LURAP1L: variants seen among roughly 807,000 people sequenced by gnomAD.
The protein encoded by LURAP1L is leucine rich adaptor protein 1-like.
In LURAP1L, 12 loss-of-function variants were observed where a neutral mutation model predicts 13.8. The observed-to-expected ratio is 0.87, with a 90% confidence interval of 0.56 to 1.41. The LOEUF is 1.41. LURAP1L is among the 40% of genes most tolerant of loss of function. The pLI is 0.00. For synonymous variants in LURAP1L, 139 were observed against 119.2 expected (o/e 1.17, Z -1.08); for missense variants, 375 against 292.9 (o/e 1.28, Z -2.04).
chr9:12,779,981 C>T (rs895085738), intron 1 of LURAP1L, among the ~76,000 whole-genome samples: 1 of 152,164 alleles, frequency 6.6e-6, no homozygotes, highest in Non-Finnish European at 1.5e-5. Context: ...AGTAGTACTT[C>T]CTCTCAGTCC....
chr9:12,781,873 C>G (rs1208751872), intron 1 of LURAP1L, among the ~76,000 whole-genome samples: 3 of 152,192 alleles, frequency 2.0e-5, no homozygotes, highest in Non-Finnish European at 4.4e-5. Flanking sequence ...ACATTCCCAC[C>G]AACAGTGTAC....
intron 1 of LURAP1L, among the ~76,000 whole-genome samples, chr9:12,803,433 C>T (rs1018571205): frequency 6.6e-6 from 1 of 152,186 alleles, no homozygotes; most frequent in Admixed American, 6.5e-5. Flanking sequence ...TAGCTTTCTT[C>T]GCTATTCCCA....
chr9:12,807,025 A>G (rs1819667630), intron 1 of LURAP1L, among the ~76,000 whole-genome samples: 1 of 140,186 alleles, frequency 7.1e-6, no homozygotes, highest in South Asian at 2.2e-4. Flanking sequence ...CGTCTCAAAA[A>G]AAAAAAAAAA....
intron 1 of LURAP1L, among the ~76,000 whole-genome samples, chr9:12,785,055 A>G (rs1468270227): frequency 2.0e-5 from 3 of 151,030 alleles, no homozygotes; most frequent in Non-Finnish European, 2.9e-5. Context: ...TCAAGGCCCA[A>G]GGGCTCTTTT....
At position 12,790,927 on chromosome 9, in the gene LURAP1L, T is replaced by A. The variant is rs184841047; in HGVS notation, c.312+14900T>A. 1.2e-3 allele frequency among the ~76,000 whole-genome samples: 190 copies of A among 152,254 alleles called. 2 individuals carry two copies. Among genetic ancestry groups the A allele is most frequent in the African/African-American group, 4.0e-3 (167 of 41,558 alleles). On this transcript the variant is annotated intron_variant, in intron 1 of 1. Transcript: ENST00000319264. ...ATATTGACAAATGGTAAAGTCTGTG[T>A]GGTTTTAACTGAAAATAAATAGACA...
At chr9:12,810,810 C>A (rs1819726144) in intron 1 of LURAP1L, among the ~76,000 whole-genome samples, 1 of 152,160 alleles carries the variant, frequency 6.6e-6, no homozygotes, top group Non-Finnish European at 1.5e-5. Context: ...GCTAGTGAAA[C>A]TCTCCCATCT....
chr9:12,795,166 T>C (rs2118499409), intron 1 of LURAP1L, among the ~76,000 whole-genome samples: 1 of 152,096 alleles, frequency 6.6e-6, no homozygotes, highest in South Asian at 2.1e-4. Context: ...CCCCTTAACA[T>C]TTGTAGATGA....
intron 1 of LURAP1L, among the ~76,000 whole-genome samples, chr9:12,796,146 AT>A (rs957915849): frequency 1.3e-5 from 2 of 151,916 alleles, no homozygotes; most frequent in African/African-American, 4.8e-5. Flanking sequence ...TCCAAATAAC[AT>A]TTATCTATGA....
intron 1 of LURAP1L, among the ~76,000 whole-genome samples, chr9:12,802,617 C>A (rs1174676831): frequency 1.3e-5 from 2 of 152,280 alleles, no homozygotes; most frequent in African/African-American, 4.8e-5. Context: ...ATTACCCAGT[C>A]CCTGGAATTT....
At chr9:12,779,919 C>T (rs558100259) in intron 1 of LURAP1L, among the ~76,000 whole-genome samples, 53 of 152,178 alleles carry the variant, frequency 3.5e-4, no homozygotes, top group Non-Finnish European at 5.4e-4. Context: ...CATCTGCTTC[C>T]CAGCAATCAT....
rs1411880272 is a variant in LURAP1L, at chr9:12,822,946, A to G, written c.*1186A>G. ...AAATCTTCCTTCTTATAACTGAGAAATGTTTCACCCAAATTTCCTTTGTTA... is the reference window on the plus strand; with the variant it reads ...AAATCTTCCTTCTTATAACTGAGAAGTGTTTCACCCAAATTTCCTTTGTTA... On this transcript the variant is annotated 3_prime_UTR_variant, in exon 2 of 2. Coordinates refer to ENST00000319264, the MANE Select transcript of LURAP1L (RefSeq NM_203403.2). 6.6e-6 allele frequency among the ~76,000 whole-genome samples: 1 copy of G among 152,226 alleles called. No homozygotes were observed. Among genetic ancestry groups the G allele is most frequent in the African/African-American group, 2.4e-5 (1 of 41,460 alleles).
chr9:12,800,943 T>G (rs1169128077), intron 1 of LURAP1L, among the ~76,000 whole-genome samples: 1 of 152,210 alleles, frequency 6.6e-6, no homozygotes, highest in African/African-American at 2.4e-5. Flanking sequence ...TTTAGGATAA[T>G]GTGGCGAGTT....
At chr9:12,809,892 G>A (rs1449324161) in intron 1 of LURAP1L, among the ~76,000 whole-genome samples, 1 of 152,114 alleles carries the variant, frequency 6.6e-6, no homozygotes. Context: ...ATGGTCAGAG[G>A]CCTGCAGTTC....
chr9:12,775,506 C>G lies in LURAP1L; in HGVS notation c.-210C>G. On this transcript the variant is annotated 5_prime_UTR_variant, in exon 1 of 2. Coordinates refer to ENST00000319264, the MANE Select transcript of LURAP1L (RefSeq NM_203403.2). Reference sequence around the variant, plus strand: ...TTAGTGTCGGAGGAGTCGCAGCGGACTGGGAACTGCAGCTGCGACCCCCCG... The same window carrying G: ...TTAGTGTCGGAGGAGTCGCAGCGGAGTGGGAACTGCAGCTGCGACCCCCCG... 1 of 619,454 alleles carries G rather than the reference C, an allele frequency of 1.6e-6. No individual in the cohort carries two copies. Among genetic ancestry groups the G allele is most frequent in the Non-Finnish European group, 2.5e-6 (1 of 392,454 alleles). 38.4% of individuals were successfully genotyped at this position (619,454 alleles called of 1,614,324 possible). A position where few individuals can be genotyped will look rare whatever the true frequency, so the allele number is the denominator to read the frequency against.
Position 12,821,875 on chromosome 9 carries a change from T to TG in LURAP1L, c.*116dup. 1 of 1,303,274 alleles carries TG rather than the reference T, an allele frequency of 7.7e-7. No individual in the cohort carries two copies. The allele number at this position is 1,303,274 out of a possible 1,614,324, so 80.7% of individuals were successfully genotyped here. On this transcript the variant is annotated 3_prime_UTR_variant, in exon 2 of 2. Coordinates refer to ENST00000319264, the MANE Select transcript of LURAP1L (RefSeq NM_203403.2). ...ATAAGATGACCTTTTTAAAAGAAGC[T>TG]GATTTTGAAACTGCTTAATGGTATT...
At chr9:12,802,176 C>T (rs937910789) in intron 1 of LURAP1L, among the ~76,000 whole-genome samples, 1 of 152,136 alleles carries the variant, frequency 6.6e-6, no homozygotes, top group South Asian at 2.1e-4. Context: ...GTACATTTTA[C>T]CCACACTAAA....
At position 12,775,263 on chromosome 9, in the gene LURAP1L, G is replaced by A. The variant is rs74424831; in HGVS notation, c.-453G>A. On this transcript the variant is annotated 5_prime_UTR_variant, in exon 1 of 2. Transcript: ENST00000319264. ...TGGCTGCATCATTATTTTGTGTCGC[G>A]TAGTACCAGATGGGCAGTCAGTGAG... 0.04 allele frequency: 6,147 copies of A among 154,736 alleles called. 444 individuals carry two copies. Among genetic ancestry groups the A allele is most frequent in the African/African-American group, 0.14 (5,873 of 41,610 alleles). The allele number at this position is 154,736 out of a possible 1,614,324, so 9.6% of individuals were successfully genotyped here.
intron 1 of LURAP1L, 117 bp from the exon 2 acceptor site, chr9:12,821,269 T>TA (rs1326633192): frequency 1.7e-6 from 2 of 1,196,460 alleles, no homozygotes; most frequent in African/African-American, 3.1e-5. Context: ...CCAGTCCACT[T>TA]ATATTTTATT....
At chr9:12,792,597 T>C (rs1472051654) in intron 1 of LURAP1L, among the ~76,000 whole-genome samples, 1 of 152,142 alleles carries the variant, frequency 6.6e-6, no homozygotes, top group Non-Finnish European at 1.5e-5. Context: ...ATGTTATAGT[T>C]GCTTTGTCAA....
Sources: allele counts gnomAD v4.1 joint callset (sites outside exome capture counted in the v4.1 genomes callset), GRCh38; gene constraint gnomAD v4.1.1; transcripts MANE v1.5; gene names NCBI Gene and HGNC (gene_info 2026-07-23, HGNC 2026-07-21).